Variants in CNTNAP2 observed in about 807,000 individuals in gnomAD.
The protein encoded by CNTNAP2 is contactin-associated protein-like 2.
A neutral mutation model predicts 155.2 loss-of-function variants in CNTNAP2; 98 were observed. The observed-to-expected ratio is 0.63, with a 90% CI of 0.54 to 0.75. The LOEUF (loss-of-function observed/expected upper bound fraction) is 0.75, where lower values mean the gene tolerates loss of function less well. CNTNAP2 is among the 30% of genes least tolerant of loss of function. The pLI, the probability that CNTNAP2 is intolerant of heterozygous loss-of-function variation, is 0.00. For missense variants in CNTNAP2, 1,727 were observed against 1,688.1 expected, an observed-to-expected ratio of 1.02 and a Z score of -0.40; for synonymous variants, 651 against 631.2, an observed-to-expected ratio of 1.03 and a Z score of -0.47.
intron 5 of CNTNAP2, 114 bp from the exon 6 acceptor site, chr7:147,120,865 G>C (rs1801096427): frequency 3.1e-6 from 3 of 961,962 alleles, no homozygotes; most frequent in African/African-American, 3.2e-5. Context: ...AACTCGAATG[G>C]ATAGAGCTTT....
rs193240155 is a variant in CNTNAP2 at position 148,233,973 on chromosome 7, T to C, written c.3381+4194T>C. On this transcript the variant is annotated intron_variant, in intron 20 of 23. Coordinates refer to ENST00000361727, the MANE Select transcript of CNTNAP2 (RefSeq NM_014141.6). ...CCTCCTTCTCAGGCCATGTAAGACA[T>C]GCCTGCTACCCCTTTGTCTTCTACT... Among the ~76,000 whole-genome samples the C allele has an allele frequency of 2.0e-5, 3 of 152,324 alleles. No individual in the cohort carries two copies. The East Asian group carries it at 5.8e-4, about 29-fold the overall frequency.
chr7:147,634,248 T>C (rs1164641106), intron 12 of CNTNAP2, among the ~76,000 whole-genome samples: 1 of 152,194 alleles, frequency 6.6e-6, no homozygotes, highest in Non-Finnish European at 1.5e-5. Flanking sequence ...ATGTGGTATA[T>C]ATACACCATG....
intron 1 of CNTNAP2, among the ~76,000 whole-genome samples, chr7:146,410,497 A>AT (rs1196813777): frequency 6.6e-6 from 1 of 152,054 alleles, no homozygotes. Context: ...TATAGATATC[A>AT]TTTTTTTGAC....
chr7:146,154,076 GA>G, intron 1 of CNTNAP2, among the ~76,000 whole-genome samples: 1 of 151,728 alleles, frequency 6.6e-6, no homozygotes, highest in Non-Finnish European at 1.5e-5. Flanking sequence ...TTTATGTTTT[GA>G]GTACAGTACA....
At chr7:146,314,135 T>G (rs932682460) in intron 1 of CNTNAP2, among the ~76,000 whole-genome samples, 2 of 152,238 alleles carry the variant, frequency 1.3e-5, no homozygotes, top group East Asian at 1.9e-4. Flanking sequence ...TTTCCTATTA[T>G]GTATTCTTGT....
intron 11 of CNTNAP2, among the ~76,000 whole-genome samples, chr7:147,524,126 T>C (rs1428144331): frequency 6.6e-6 from 1 of 152,230 alleles, no homozygotes; most frequent in Non-Finnish European, 1.5e-5. Flanking sequence ...TTTGCTCCAC[T>C]CACACCTTGT....
chr7:146,423,437 G>A (rs889093871), intron 1 of CNTNAP2, among the ~76,000 whole-genome samples: 1 of 152,134 alleles, frequency 6.6e-6, no homozygotes, highest in African/African-American at 2.4e-5. Context: ...AAAAGCCATG[G>A]AAGAAAATGT....
intron 1 of CNTNAP2, among the ~76,000 whole-genome samples, chr7:146,285,633 G>A (rs1043289761): frequency 2.0e-5 from 3 of 150,736 alleles, no homozygotes; most frequent in African/African-American, 4.9e-5. Context: ...GCTTCACAGT[G>A]ACCAAGCTGA....
At chr7:146,978,475 A>G (rs1229104522) in intron 3 of CNTNAP2, among the ~76,000 whole-genome samples, 1 of 152,176 alleles carries the variant, frequency 6.6e-6, no homozygotes, top group Non-Finnish European at 1.5e-5. Flanking sequence ...CATGGTCTGT[A>G]AAGTTTCCTC....
intron 1 of CNTNAP2, among the ~76,000 whole-genome samples, chr7:146,648,898 T>C (rs1799859611): frequency 2.0e-5 from 3 of 152,122 alleles, no homozygotes; most frequent in Non-Finnish European, 4.4e-5. Context: ...CCATACTTCA[T>C]AGGATAATTC....
At chr7:147,671,101 C>A (rs1044617408) in intron 13 of CNTNAP2, among the ~76,000 whole-genome samples, 1 of 152,186 alleles carries the variant, frequency 6.6e-6, no homozygotes, top group Non-Finnish European at 1.5e-5. Flanking sequence ...TGGAGCACAG[C>A]GGATCCGAGT....
chr7:147,872,396 A>G (rs974405361), intron 13 of CNTNAP2, among the ~76,000 whole-genome samples: 20 of 152,254 alleles, frequency 1.3e-4, no homozygotes, highest in Admixed American at 1.2e-3. Flanking sequence ...TATTTAACTT[A>G]TGCTTATGAT....
chr7:146,527,355 A>C (rs1272490509), intron 1 of CNTNAP2, among the ~76,000 whole-genome samples: 2 of 152,164 alleles, frequency 1.3e-5, no homozygotes, highest in South Asian at 2.1e-4. Flanking sequence ...TTTAAAGATA[A>C]ATTTTTATTC....
At chr7:148,188,144 G>A (rs1194316914) in intron 18 of CNTNAP2, among the ~76,000 whole-genome samples, 1 of 152,184 alleles carries the variant, frequency 6.6e-6, no homozygotes, top group African/African-American at 2.4e-5. Context: ...TGTGCTTGGA[G>A]ACCAGCCACT....
At chr7:148,046,336 G>C (rs376725875) in intron 15 of CNTNAP2, among the ~76,000 whole-genome samples, 37 of 152,256 alleles carry the variant, frequency 2.4e-4, no homozygotes, top group African/African-American at 8.9e-4. Context: ...GTGTGTGTAT[G>C]AGTGTGTGTA....
intron 1 of CNTNAP2, among the ~76,000 whole-genome samples, chr7:146,387,833 C>T (rs1468600290): frequency 2.6e-5 from 4 of 152,060 alleles, no homozygotes; most frequent in African/African-American, 4.8e-5. Flanking sequence ...AATTCTGAGA[C>T]TTGTATGTCA....
intron 19 of CNTNAP2, among the ~76,000 whole-genome samples, 166 bp from the exon 20 acceptor site, chr7:148,229,480 G>A (rs1277597710): frequency 6.6e-6 from 1 of 151,872 alleles, no homozygotes; most frequent in Non-Finnish European, 1.5e-5. Flanking sequence ...AGCCAAGATC[G>A]CACCATTGCA....
intron 15 of CNTNAP2, among the ~76,000 whole-genome samples, chr7:147,982,649 CTA>C (rs1801550920): frequency 6.6e-6 from 1 of 152,158 alleles, no homozygotes; most frequent in African/African-American, 2.4e-5. Context: ...ATGTGCCAGA[CTA>C]ATAGGAAGGC....
intron 15 of CNTNAP2, 174 bp downstream of exon 15, chr7:147,978,163 A>C (rs929250019): frequency 1.2e-6 from 1 of 836,058 alleles, no homozygotes; most frequent in Non-Finnish European, 1.9e-6. Context: ...AGCCTCCAGT[A>C]CAGGAGCCGA....
Sources: gnomAD v4.1 joint callset for allele counts (sites outside exome capture counted in the v4.1 genomes callset) on GRCh38, gnomAD v4.1.1 for gene constraint, MANE v1.5 for transcripts, NCBI Gene and HGNC (gene_info 2026-07-23, HGNC 2026-07-21) for gene names.